Variants in BMPR1A observed in about 807,000 individuals in gnomAD.
BMPR1A encodes the protein bone morphogenetic protein receptor type 1A, also known as bone morphogenetic protein receptor type-1A.
In BMPR1A, 7 loss-of-function variants were observed where a neutral mutation model predicts 66.0. That is an observed-to-expected ratio of 0.11 (90% CI 0.06 to 0.20). BMPR1A has a LOEUF of 0.20. BMPR1A is among the 10% of genes least tolerant of loss of function. The probability of loss-of-function intolerance (pLI) is 1.00; values close to 1 mark genes in which losing one functional copy is unlikely to be tolerated. For missense variants in BMPR1A, 408 were observed against 669.1 expected (o/e 0.61, Z 4.31); for synonymous variants, 200 against 229.7 (o/e 0.87, Z 1.17).
At chr10:86,772,764 A>G (rs1020136266) in intron 1 of BMPR1A, among the ~76,000 whole-genome samples, 1 of 152,178 alleles carries the variant, frequency 6.6e-6, no homozygotes, top group Non-Finnish European at 1.5e-5. Context: ...GTAGACGTCT[A>G]AAAATCATCC....
chr10:86,804,231 T>C (rs1038136261), intron 1 of BMPR1A, among the ~76,000 whole-genome samples: 5 of 152,168 alleles, frequency 3.3e-5, no homozygotes, highest in African/African-American at 9.6e-5. Context: ...GGTTAGTAGT[T>C]TTGTATCACA....
At chr10:86,851,256 G>A (rs1488714632) in intron 2 of BMPR1A, among the ~76,000 whole-genome samples, 5 of 152,172 alleles carry the variant, frequency 3.3e-5, no homozygotes, top group Admixed American at 1.3e-4. Flanking sequence ...CTGTTAGAGT[G>A]CATTTTATGG....
At chr10:86,768,161 G>T (rs1228151858) in intron 1 of BMPR1A, among the ~76,000 whole-genome samples, 1 of 152,176 alleles carries the variant, frequency 6.6e-6, no homozygotes, top group Non-Finnish European at 1.5e-5. Context: ...CTAAGAGGGT[G>T]TAGGAAGTTT....
At chr10:86,776,980 C>CT (rs1841359215) in intron 1 of BMPR1A, among the ~76,000 whole-genome samples, 1 of 152,214 alleles carries the variant, frequency 6.6e-6, no homozygotes, top group Non-Finnish European at 1.5e-5. Flanking sequence ...TCACTTCCCA[C>CT]TTTACTGGCT....
At chr10:86,856,350 G>C in intron 2 of BMPR1A, 1 of 394,922 alleles carries the variant, frequency 2.5e-6, no homozygotes, top group Non-Finnish European at 4.9e-6. Flanking sequence ...CCATGGGAGA[G>C]AGTAGTCTGC....
At chr10:86,771,455 T>C (rs1349612653) in intron 1 of BMPR1A, among the ~76,000 whole-genome samples, 1 of 152,234 alleles carries the variant, frequency 6.6e-6, no homozygotes, top group Non-Finnish European at 1.5e-5. Context: ...ACAAGTATTC[T>C]ATGATATAGT....
At chr10:86,768,380 C>G (rs1387146475) in intron 1 of BMPR1A, among the ~76,000 whole-genome samples, 3 of 152,030 alleles carry the variant, frequency 2.0e-5, no homozygotes, top group African/African-American at 7.2e-5. Flanking sequence ...GTGCCCCCCA[C>G]CCCCATGTGT....
intron 2 of BMPR1A, among the ~76,000 whole-genome samples, chr10:86,844,821 G>C (rs1842463737): frequency 6.6e-6 from 1 of 152,154 alleles, no homozygotes; most frequent in African/African-American, 2.4e-5. Context: ...TTGTTGCCCA[G>C]GCTGGAGTGC....
At chr10:86,810,128 G>A (rs1433303930) in intron 1 of BMPR1A, among the ~76,000 whole-genome samples, 3 of 151,646 alleles carry the variant, frequency 2.0e-5, no homozygotes, top group African/African-American at 7.3e-5. Flanking sequence ...CCACCACCAC[G>A]CCCGACTAAT....
At chr10:86,823,665 C>T (rs1031727395) in intron 1 of BMPR1A, among the ~76,000 whole-genome samples, 1 of 152,126 alleles carries the variant, frequency 6.6e-6, no homozygotes, top group Non-Finnish European at 1.5e-5. Flanking sequence ...GGCCTTAGGG[C>T]AGCTGTATAT....
rs1303164661 is a variant in BMPR1A, at chr10:86,917,164, A to G, written c.706A>G (p.Met236Val). ...GCGAACTATTGCCAAACAGATTCAG[A>G]TGGTCCGGCAAGTTGGTAAAGGCCG... ...VQRTIAKQIQMVRQVGKGRYG... is the reference protein window; with the variant it reads ...VQRTIAKQIQVVRQVGKGRYG... Residue 236 changes from methionine (M) to valine (V), a missense_variant, in exon 9 of 13, where the codon ATG becomes GTG. Met to Val is a conservative substitution (Grantham distance 21). Around this residue, in one of 5 missense-constraint regions of BMPR1A, gnomAD observed 174 missense variants for 265.1 expected, o/e 0.66. Transcript: ENST00000372037. The G allele has an allele frequency of 1.9e-6, 3 of 1,614,066 alleles. No individual in the cohort carries two copies. The highest frequency in any genetic ancestry group is 2.2e-5 in the South Asian group (2 of 91,082).
Position 86,819,957 on chromosome 10 carries a change from A to C in BMPR1A, c.-267-18908A>C, listed in dbSNP as rs1842097148. ...TGATGGTTTCTGCTAGCTCTGGCAA[A>C]AGGTGAATCCAGTTGCTTTCTAGCA... is the stretch of plus-strand genomic sequence containing the variant. On this transcript the variant is annotated intron_variant, in intron 1 of 12. Transcript: ENST00000372037. Among the ~76,000 whole-genome samples the C allele has an allele frequency of 3.3e-5, 5 of 152,188 alleles. No individual in the cohort carries two copies. The South Asian group carries it at 1.0e-3, about 32-fold the overall frequency.
At chr10:86,828,050 G>A (rs1366000813) in intron 1 of BMPR1A, among the ~76,000 whole-genome samples, 1 of 152,200 alleles carries the variant, frequency 6.6e-6, no homozygotes, top group East Asian at 1.9e-4. Context: ...CACTTGGGAG[G>A]CTGAGGCAGG....
intron 2 of BMPR1A, among the ~76,000 whole-genome samples, chr10:86,874,080 T>C (rs2133308624): frequency 6.6e-6 from 1 of 152,318 alleles, no homozygotes; most frequent in South Asian, 2.1e-4. Context: ...GTGTCATAAA[T>C]AAGCAAGATC....
chr10:86,862,810 AC>A lies in BMPR1A; in HGVS notation c.-152-13055del, dbSNP rs1302544241. 2.6e-5 allele frequency among the ~76,000 whole-genome samples: 4 copies of A among 152,114 alleles called. No individual in the cohort carries two copies. In the East Asian group the frequency reaches 7.7e-4, roughly 29 times the overall value. On this transcript the variant is annotated intron_variant, in intron 2 of 12. Coordinates refer to ENST00000372037, the MANE Select transcript of BMPR1A (RefSeq NM_004329.3). Reference sequence around the variant, plus strand: ...AAAAATAAAAAAAAAAAGATTTTAGACCTGGGACTTTTAAGATTTTACACCA... The same window carrying A: ...AAAAATAAAAAAAAAAAGATTTTAGACTGGGACTTTTAAGATTTTACACCA...
In BMPR1A at chr10:86,757,388, C is replaced by T. The variant is rs551197419; in HGVS notation, c.-268+469C>T. Reference sequence around the variant, plus strand: ...CCCCGAGTCCCCGCGGGAAGGGGCCCTGGCCCCCGAGCTCCCGGAGCTGCT... The same window carrying T: ...CCCCGAGTCCCCGCGGGAAGGGGCCTTGGCCCCCGAGCTCCCGGAGCTGCT... On this transcript the variant is annotated intron_variant, in intron 1 of 12. Transcript: ENST00000372037. 7.2e-5 allele frequency among the ~76,000 whole-genome samples: 11 copies of T among 152,324 alleles called. No homozygotes were observed. The East Asian group carries it at 1.9e-3, about 27-fold the overall frequency.
chr10:86,899,933 TTC>T, intron 6 of BMPR1A, 43 bp downstream of exon 6: 1 of 1,609,738 alleles, frequency 6.2e-7, no homozygotes, highest in South Asian at 1.1e-5. Flanking sequence ...CTCAAATATC[TTC>T]TCTGGTTTTA....
intron 1 of BMPR1A, among the ~76,000 whole-genome samples, chr10:86,770,107 A>G (rs1052353792): frequency 1.3e-5 from 2 of 152,180 alleles, no homozygotes; most frequent in Non-Finnish European, 2.9e-5. Flanking sequence ...CCTGGGCAAC[A>G]TGGCGAAACC....
intron 5 of BMPR1A, among the ~76,000 whole-genome samples, chr10:86,896,850 G>A (rs959575361): frequency 6.6e-6 from 1 of 152,156 alleles, no homozygotes; most frequent in Admixed American, 6.5e-5. Context: ...ATTGGGTTAC[G>A]CCAGCAAGCA....
Sources: gnomAD v4.1 joint callset for allele counts (sites outside exome capture counted in the v4.1 genomes callset) on GRCh38, gnomAD v4.1.1 for gene constraint, gnomAD v4.1.1 regional missense constraint, MANE v1.5 for transcripts, NCBI Gene and HGNC (gene_info 2026-07-23, HGNC 2026-07-21) for gene names.